The following TOX3 variants were observed in gnomAD, a reference collection of about 807,000 sequenced individuals.
The protein encoded by TOX3 is CAG trinucleotide repeat-containing gene F9 protein.
A neutral mutation model predicts 64.3 loss-of-function variants in TOX3; 22 were observed. The observed-to-expected ratio is 0.34, with a 90% CI of 0.24 to 0.49. The LOEUF (loss-of-function observed/expected upper bound fraction) is 0.49, where lower values mean the gene tolerates loss of function less well. Ranked by LOEUF, TOX3 falls within the 20% of genes least tolerant of loss-of-function variation. The pLI is 0.99. For missense variants in TOX3, 661 were observed against 714.4 expected, an observed-to-expected ratio of 0.93 and a Z score of 0.85; for synonymous variants, 291 against 273.6, an observed-to-expected ratio of 1.06 and a Z score of -0.63.
Position 52,439,422 on chromosome 16 carries a change from G to A in TOX3, c.1534C>T (p.Gln512Ter). The A allele has an allele frequency of 1.3e-6, 2 of 1,549,718 alleles. No individual in the cohort carries two copies. The highest frequency in any genetic ancestry group is 1.8e-6 in the Non-Finnish European group (2 of 1,140,132). ...NQQQLQQQLQ[Q>*]RLQLQQLQHM... ...TGCAGCTGCTGCAGCTGGAGGCGCT[G>A]CTGCAGCTGCTGCTGCAGCTGCTGT... Residue 512 changes from glutamine to a stop codon, truncating the protein, a stop_gained, in exon 7 of 7, where the codon CAG becomes TAG. Coordinates refer to ENST00000219746, the MANE Select transcript of TOX3 (RefSeq NM_001080430.4). LOFTEE classifies it high-confidence loss of function.
chr16:52,465,752 T>A (rs998237352), intron 2 of TOX3, among the ~76,000 whole-genome samples: 1 of 152,074 alleles, frequency 6.6e-6, no homozygotes, highest in African/African-American at 2.4e-5. Context: ...TTCTTACATA[T>A]AGAACCTGTC....
At chr16:52,487,551 T>C (rs572769818) in intron 1 of TOX3, among the ~76,000 whole-genome samples, 1 of 152,064 alleles carries the variant, frequency 6.6e-6, no homozygotes, top group Non-Finnish European at 1.5e-5. Context: ...GTCATTTAAG[T>C]AGGGGAAAGT....
At chr16:52,459,518 G>A (rs1375627786) in intron 3 of TOX3, among the ~76,000 whole-genome samples, 5 of 152,082 alleles carry the variant, frequency 3.3e-5, no homozygotes, top group East Asian at 1.9e-4. Context: ...GTTTTTGACC[G>A]TAACTTGACC....
At chr16:52,505,957 CAG>C (rs1962151310) in intron 1 of TOX3, among the ~76,000 whole-genome samples, 2 of 152,112 alleles carry the variant, frequency 1.3e-5, no homozygotes, top group Admixed American at 6.5e-5. Flanking sequence ...GCCTGGGTGA[CAG>C]AGCAAGACCC....
intron 1 of TOX3, among the ~76,000 whole-genome samples, chr16:52,505,106 T>A (rs1962125806): frequency 6.6e-6 from 1 of 152,048 alleles, no homozygotes; most frequent in South Asian, 2.1e-4. Context: ...AGTGCTGGGA[T>A]TACAGGCGTG....
intron 6 of TOX3, 121 bp downstream of exon 6, chr16:52,444,155 A>G: frequency 3.0e-6 from 2 of 667,528 alleles, no homozygotes; most frequent in Admixed American, 3.1e-5. Context: ...CTAAGTTTAC[A>G]AGTTGTTCAA....
At chr16:52,514,361 T>A (rs983300944) in intron 1 of TOX3, among the ~76,000 whole-genome samples, 1 of 152,210 alleles carries the variant, frequency 6.6e-6, no homozygotes, top group Non-Finnish European at 1.5e-5. Flanking sequence ...ATTCTGAATA[T>A]CATGTCAACC....
At chr16:52,486,405 G>C (rs2151453680) in intron 1 of TOX3, among the ~76,000 whole-genome samples, 1 of 152,256 alleles carries the variant, frequency 6.6e-6, no homozygotes, top group East Asian at 1.9e-4. Context: ...AGATCTGTTG[G>C]GTTCAATGAC....
intron 1 of TOX3, among the ~76,000 whole-genome samples, chr16:52,534,497 G>T (rs1384311683): frequency 6.6e-6 from 1 of 152,010 alleles, no homozygotes; most frequent in Non-Finnish European, 1.5e-5. Context: ...AATTAGCTGG[G>T]TATGGGGTGT....
chr16:52,518,403 A>G (rs1280947679), intron 1 of TOX3, among the ~76,000 whole-genome samples: 1 of 152,224 alleles, frequency 6.6e-6, no homozygotes, highest in East Asian at 1.9e-4. Flanking sequence ...CATGGGAGAA[A>G]TAGATATTTT....
chr16:52,473,511 C>T (rs1290466143), intron 1 of TOX3, among the ~76,000 whole-genome samples: 3 of 152,172 alleles, frequency 2.0e-5, no homozygotes, highest in East Asian at 1.9e-4. Flanking sequence ...AAGTGTGCCA[C>T]GCACGGTCAC....
chr16:52,495,827 T>A (rs548351711), intron 1 of TOX3, among the ~76,000 whole-genome samples: 1 of 152,284 alleles, frequency 6.6e-6, no homozygotes, highest in African/African-American at 2.4e-5. Context: ...GAGGAAAAGA[T>A]CATCTATAAA....
intron 1 of TOX3, among the ~76,000 whole-genome samples, chr16:52,471,839 T>C (rs977258676): frequency 1.2e-4 from 19 of 152,224 alleles, no homozygotes; most frequent in Admixed American, 2.6e-4. Context: ...TTATCATCCC[T>C]ATTTTATGGA....
At chr16:52,463,548 A>G (rs1291232881) in intron 3 of TOX3, among the ~76,000 whole-genome samples, 1 of 152,244 alleles carries the variant, frequency 6.6e-6, no homozygotes, top group Non-Finnish European at 1.5e-5. Flanking sequence ...GCATTATAAT[A>G]CTAAAAACTC....
At chr16:52,488,924 C>T (rs1392521649) in intron 1 of TOX3, among the ~76,000 whole-genome samples, 1 of 152,164 alleles carries the variant, frequency 6.6e-6, no homozygotes, top group Non-Finnish European at 1.5e-5. Flanking sequence ...CTTTTCCTAT[C>T]CCATTTCCCC....
chr16:52,473,255 A>T (rs1465585203), intron 1 of TOX3, among the ~76,000 whole-genome samples: 1 of 151,866 alleles, frequency 6.6e-6, no homozygotes, highest in Non-Finnish European at 1.5e-5. Flanking sequence ...ACACAACATC[A>T]TTTTCACTGA....
At chr16:52,452,763 G>A (rs1567314092) in intron 3 of TOX3, among the ~76,000 whole-genome samples, 1 of 152,038 alleles carries the variant, frequency 6.6e-6, no homozygotes, top group South Asian at 2.1e-4. Flanking sequence ...TAATGCAAGT[G>A]GTTAAAAGAG....
chr16:52,469,827 C>T (rs1367880870), intron 1 of TOX3, among the ~76,000 whole-genome samples: 1 of 152,146 alleles, frequency 6.6e-6, no homozygotes, highest in Non-Finnish European at 1.5e-5. Flanking sequence ...CTCTGAAGGA[C>T]TTACACCCAG....
chr16:52,457,805 C>T (rs970825554), intron 3 of TOX3, among the ~76,000 whole-genome samples: 13 of 152,116 alleles, frequency 8.5e-5, no homozygotes, highest in African/African-American at 2.7e-4. Flanking sequence ...CTGCATACCA[C>T]CACCTTTATA....
Sources: allele counts gnomAD v4.1 joint callset (sites outside exome capture counted in the v4.1 genomes callset), GRCh38; gene constraint gnomAD v4.1.1; transcripts MANE v1.5; gene names NCBI Gene and HGNC (gene_info 2026-07-23, HGNC 2026-07-21).